The following SUMF1 variants were observed in gnomAD, a reference collection of about 807,000 sequenced individuals.
SUMF1 encodes formylglycine-generating enzyme.
A neutral mutation model predicts 47.6 loss-of-function variants in SUMF1; 48 were observed. That is an observed-to-expected ratio of 1.01 (90% CI 0.80 to 1.28). SUMF1 has a LOEUF of 1.28. Among genes scored for constraint, SUMF1 ranks in the 50% most tolerant of loss-of-function variants. The pLI, the probability that SUMF1 is intolerant of heterozygous loss-of-function variation, is 0.00. For synonymous variants in SUMF1, 230 were observed against 192.1 expected, an observed-to-expected ratio of 1.20 and a Z score of -1.63; for missense variants, 571 against 485.4, an observed-to-expected ratio of 1.18 and a Z score of -1.66.
intron 7 of SUMF1, among the ~76,000 whole-genome samples, chr3:4,398,549 A>T (rs1209902537): frequency 6.6e-6 from 1 of 152,226 alleles, no homozygotes; most frequent in East Asian, 1.9e-4. Flanking sequence ...AGTAAGCTAT[A>T]GGAATGGGAA....
chr3:4,216,952 G>A lies in SUMF1; in HGVS notation c.1015-148207C>T, dbSNP rs576861599. Among the ~76,000 whole-genome samples the A allele has an allele frequency of 1.6e-4, 25 of 152,262 alleles. 1 individual carries two copies. Among genetic ancestry groups the A allele is most frequent in the African/African-American group, 5.5e-4 (23 of 41,558 alleles). Reference sequence around the variant, plus strand: ...TAGTTCAACCATTGTGGAAGACAGTGTGGCAATCCCTCAAGGATCTAGAAC... The same window carrying A: ...TAGTTCAACCATTGTGGAAGACAGTATGGCAATCCCTCAAGGATCTAGAAC... On this transcript the variant is annotated intron_variant and NMD_transcript_variant, in intron 8 of 12. Coordinates refer to the SUMF1 transcript ENST00000448413.
Position 4,293,837 on chromosome 3 carries a change from T to G in SUMF1, c.1014+82493A>C, listed in dbSNP as rs141536648. Among the ~76,000 whole-genome samples, 101 of 152,340 alleles carry G rather than the reference T, an allele frequency of 6.6e-4. 1 individual carries two copies. The East Asian group carries it at 0.016, about 24-fold the overall frequency. On this transcript the variant is annotated intron_variant and NMD_transcript_variant, in intron 8 of 12. Transcript: ENST00000448413. ...CTTCACTATATAAATCACTATACTT[T>G]CCAATGGGATGAAAAACTGTTTATG...
chr3:4,037,320 T>C lies in SUMF1; in HGVS notation c.1191+31249A>G, dbSNP rs537845177. Reference sequence around the variant, plus strand: ...CACCGCCTCCTTCCTTCAACTTCTATAGTAAGTTCTAAGTGGTCTCCTTAT... The same window carrying C: ...CACCGCCTCCTTCCTTCAACTTCTACAGTAAGTTCTAAGTGGTCTCCTTAT... On this transcript the variant is annotated intron_variant and NMD_transcript_variant, in intron 9 of 12. Coordinates refer to the SUMF1 transcript ENST00000448413. 1.8e-4 allele frequency among the ~76,000 whole-genome samples: 27 copies of C among 152,342 alleles called. No homozygotes were observed. The South Asian group carries it at 5.6e-3, about 32-fold the overall frequency.
intron 8 of SUMF1, among the ~76,000 whole-genome samples, chr3:4,180,700 A>ACACACAC (rs1553606606): frequency 6.6e-6 from 1 of 151,424 alleles, no homozygotes; most frequent in South Asian, 2.1e-4. Context: ...ACACACACAC[A>ACACACAC]AAATTAGCCA....
intron 1 of SUMF1, among the ~76,000 whole-genome samples, chr3:4,464,844 T>C (rs1205750417): frequency 1.3e-5 from 2 of 152,214 alleles, no homozygotes; most frequent in Non-Finnish European, 2.9e-5. Context: ...TATATTCTCA[T>C]CAACCACTAA....
At chr3:4,134,522 A>T (rs1297395171) in intron 8 of SUMF1, among the ~76,000 whole-genome samples, 1 of 152,176 alleles carries the variant, frequency 6.6e-6, no homozygotes, top group Admixed American at 6.5e-5. Context: ...AGCAGGAAAG[A>T]TCTAAAATTG....
intron 8 of SUMF1, among the ~76,000 whole-genome samples, chr3:4,370,951 T>C (rs955591378): frequency 2.6e-5 from 4 of 152,130 alleles, no homozygotes; most frequent in Non-Finnish European, 4.4e-5. Context: ...CAATAAAGAA[T>C]TAAACCCTAA....
intron 8 of SUMF1, among the ~76,000 whole-genome samples, chr3:4,135,611 G>A (rs926276524): frequency 6.6e-6 from 1 of 152,122 alleles, no homozygotes; most frequent in Non-Finnish European, 1.5e-5. Context: ...CATAGTGTTG[G>A]AAGTTCTGGC....
At chr3:4,050,445 G>A (rs1389314630) in intron 9 of SUMF1, among the ~76,000 whole-genome samples, 1 of 151,914 alleles carries the variant, frequency 6.6e-6, no homozygotes, top group Admixed American at 6.6e-5. Flanking sequence ...GAGGGGCTTT[G>A]AAAATTGTCA....
chr3:4,190,118 T>A (rs576340885), intron 8 of SUMF1, among the ~76,000 whole-genome samples: 3 of 151,856 alleles, frequency 2.0e-5, no homozygotes, highest in East Asian at 1.9e-4. Flanking sequence ...ATTACTTTTT[T>A]AAAAAAATTA....
intron 3 of SUMF1, among the ~76,000 whole-genome samples, chr3:4,429,075 G>C (rs898448926): frequency 5.9e-5 from 9 of 151,992 alleles, no homozygotes; most frequent in Non-Finnish European, 8.8e-5. Context: ...TTGTTTTTTT[G>C]CTATTATAGA....
intron 8 of SUMF1, among the ~76,000 whole-genome samples, chr3:4,148,402 G>T (rs1694243684): frequency 6.6e-6 from 1 of 152,114 alleles, no homozygotes; most frequent in South Asian, 2.1e-4. Context: ...AATCTTCTGG[G>T]TCAAAGTGCT....
Position 4,417,195 on chromosome 3 carries a change from G to C in SUMF1, c.773C>G (p.Ala258Gly). The C allele has an allele frequency of 2.5e-6, 4 of 1,613,984 alleles. No individual in the cohort carries two copies. The highest frequency in any genetic ancestry group is 3.4e-6 in the Non-Finnish European group (4 of 1,179,932). ...CGGAAACTCGCCCTGCCAAATGTTG[G>C]CATAATGCTGGCCTTTGGGCTGCAG... ...NKLQPKGQHYANIWQGEFPVT... is the reference protein window; with the variant it reads ...NKLQPKGQHYGNIWQGEFPVT... Residue 258 changes from alanine to glycine, a missense_variant, in exon 6 of 9, where the codon GCC (alanine) becomes GGC (glycine). Coordinates refer to ENST00000272902, the MANE Select transcript of SUMF1 (RefSeq NM_182760.4).
At chr3:4,369,094 A>G (rs1179064253) in intron 8 of SUMF1, among the ~76,000 whole-genome samples, 2 of 151,974 alleles carry the variant, frequency 1.3e-5, no homozygotes, top group Non-Finnish European at 2.9e-5. Context: ...GAAAAGTAAA[A>G]TGCTTCTTGT....
At chr3:4,165,704 C>T (rs925934863) in intron 8 of SUMF1, among the ~76,000 whole-genome samples, 1 of 152,032 alleles carries the variant, frequency 6.6e-6, no homozygotes, top group African/African-American at 2.4e-5. Flanking sequence ...AATATTGGGG[C>T]CAGACCATGG....
chr3:4,363,950 T>A (rs1370971860), intron 8 of SUMF1, among the ~76,000 whole-genome samples: 3 of 145,660 alleles, frequency 2.1e-5, no homozygotes, highest in African/African-American at 7.8e-5. Context: ...TTGAATTGTG[T>A]CAAAGGCCTT....
At position 4,153,349 on chromosome 3, in the gene SUMF1, T is replaced by G. The variant is rs537100729; in HGVS notation, c.1015-84604A>C. On this transcript the variant is annotated intron_variant and NMD_transcript_variant, in intron 8 of 12. Transcript: ENST00000448413. ...CTTTAACCTCTCAAGTAGCTAGAAC[T>G]ACAGGCACATGCCACTATGCCGAGC... Among the ~76,000 whole-genome samples, 6 of 151,600 alleles carry G rather than the reference T, an allele frequency of 4.0e-5. No individual in the cohort carries two copies. The South Asian group carries it at 1.2e-3, about 31-fold the overall frequency.
At chr3:4,403,722 C>G (rs1701287242) in intron 7 of SUMF1, among the ~76,000 whole-genome samples, 1 of 152,174 alleles carries the variant, frequency 6.6e-6, no homozygotes, top group South Asian at 2.1e-4. Context: ...TCTGACAATG[C>G]AGTAAGTTGC....
intron 8 of SUMF1, among the ~76,000 whole-genome samples, chr3:4,121,385 C>G (rs1351297303): frequency 6.6e-6 from 1 of 152,124 alleles, no homozygotes; most frequent in Middle Eastern, 3.2e-3. Flanking sequence ...TCTTGGATCT[C>G]ACTTCATCTT....
Sources: allele counts gnomAD v4.1 joint callset (sites outside exome capture counted in the v4.1 genomes callset), GRCh38; gene constraint gnomAD v4.1.1; transcripts MANE v1.5; gene names NCBI Gene and HGNC (gene_info 2026-07-23, HGNC 2026-07-21).